OSBPL6: variants seen among roughly 807,000 people sequenced by gnomAD.
OSBPL6 encodes the protein oxysterol-binding protein-related protein 6.
Under a neutral mutation model 125.8 loss-of-function variants are expected in OSBPL6, and 49 were observed. The observed-to-expected ratio is 0.39, with a 90% CI of 0.31 to 0.49. OSBPL6 has a LOEUF of 0.49. OSBPL6 is among the 20% of genes least tolerant of loss of function. OSBPL6 has a pLI of 0.88. For missense variants in OSBPL6, 986 were observed against 1,135.4 expected (o/e 0.87, Z 1.89); for synonymous variants, 394 against 391.8 (o/e 1.01, Z -0.07).
intron 13 of OSBPL6, among the ~76,000 whole-genome samples, chr2:178,370,642 C>T: frequency 6.6e-6 from 1 of 152,188 alleles, no homozygotes; most frequent in East Asian, 1.9e-4. Context: ...AATGTTATCA[C>T]CTTTTTTCCC....
At chr2:178,193,903 G>A (rs1295454258), upstream of OSBPL6, among the ~76,000 whole-genome samples, 1 of 152,172 alleles carries the variant, frequency 6.6e-6, no homozygotes, top group African/African-American at 2.4e-5. Flanking sequence ...TTTTGCTCCC[G>A]AGCGAGTCAG....
At chr2:178,286,619 T>C (rs1574752208) in intron 2 of OSBPL6, among the ~76,000 whole-genome samples, 2 of 152,368 alleles carry the variant, frequency 1.3e-5, no homozygotes, top group East Asian at 3.9e-4. Flanking sequence ...TGCATCATTT[T>C]TTCCAGATGT....
At chr2:178,265,572 C>A (rs891211454) in intron 1 of OSBPL6, among the ~76,000 whole-genome samples, 2 of 151,918 alleles carry the variant, frequency 1.3e-5, no homozygotes, top group African/African-American at 2.4e-5. Flanking sequence ...GAATAATTGT[C>A]CCTCAGCGTA....
chr2:178,227,451 T>A (rs1420385904), intron 1 of OSBPL6, among the ~76,000 whole-genome samples: 1 of 152,208 alleles, frequency 6.6e-6, no homozygotes, highest in Admixed American at 6.5e-5. Flanking sequence ...TCTTTCAGGT[T>A]TACATATAAA....
In OSBPL6 at chr2:178,349,349, T is replaced by C; in HGVS notation, c.1113T>C (p.Tyr371=). Residue 371 remains tyrosine (Y), a synonymous_variant, in exon 12 of 25, where the codon TAT becomes TAC. Transcript: ENST00000190611. ...LTDPLESSTD[Y]TKLQEEFCLI... ...ACCCTCTGGAAAGTTCAACAGATTA[T>C]ACAAAGCTGCAAGAAGAATTTTGTC... 6.2e-7 allele frequency: 1 copy of C among 1,614,186 alleles called. No individual in the cohort carries two copies. Among genetic ancestry groups the C allele is most frequent in the South Asian group, 1.1e-5 (1 of 91,080 alleles).
intron 1 of OSBPL6, among the ~76,000 whole-genome samples, chr2:178,265,504 G>A (rs1168791017): frequency 1.3e-5 from 2 of 152,008 alleles, no homozygotes; most frequent in African/African-American, 2.4e-5. Context: ...GCAGGCCAAC[G>A]TGCCAGCTGG....
intron 4 of OSBPL6, among the ~76,000 whole-genome samples, chr2:178,326,948 C>G (rs1479136506): frequency 6.6e-6 from 1 of 151,560 alleles, no homozygotes; most frequent in Non-Finnish European, 1.5e-5. Flanking sequence ...AAAAAAAACA[C>G]TGTGATAGAA....
At chr2:178,368,285 C>T (rs1693042795) in intron 13 of OSBPL6, among the ~76,000 whole-genome samples, 1 of 152,208 alleles carries the variant, frequency 6.6e-6, no homozygotes, top group African/African-American at 2.4e-5. Flanking sequence ...GGAGGATGCG[C>T]AGAAAGGGGC....
intron 1 of OSBPL6, among the ~76,000 whole-genome samples, chr2:178,219,282 G>A (rs2090238835): frequency 6.6e-6 from 1 of 152,216 alleles, no homozygotes; most frequent in Non-Finnish European, 1.5e-5. Flanking sequence ...ACATTTTGGA[G>A]TAGGTATTTC....
In OSBPL6 at chr2:178,306,530, T is replaced by C. The variant is rs148906865; in HGVS notation, c.102+244T>C. Among the ~76,000 whole-genome samples, 17 of 152,308 alleles carry C rather than the reference T, an allele frequency of 1.1e-4. No homozygotes were observed. In the East Asian group the frequency reaches 3.3e-3, roughly 29 times the overall value. On this transcript the variant is annotated intron_variant, in intron 3 of 24. Transcript: ENST00000190611. ...CTGGTAGGGTGGCTATGAGAAGCCC[T>C]GCCGTCTTTTCCTCCCTGCACCTGG...
intron 1 of OSBPL6, among the ~76,000 whole-genome samples, chr2:178,233,155 G>C (rs964069839): frequency 1.3e-5 from 2 of 152,166 alleles, no homozygotes; most frequent in Admixed American, 1.3e-4. Context: ...CAAGAAACCT[G>C]TTCGATATTC....
chr2:178,308,229 C>T (rs748320983), intron 3 of OSBPL6, among the ~76,000 whole-genome samples: 4 of 152,204 alleles, frequency 2.6e-5, no homozygotes, highest in Non-Finnish European at 4.4e-5. Context: ...AGATCAATTA[C>T]AGTTCTGTTT....
chr2:178,311,676 A>G (rs1339474879), intron 3 of OSBPL6, among the ~76,000 whole-genome samples: 2 of 152,236 alleles, frequency 1.3e-5, no homozygotes, highest in Non-Finnish European at 2.9e-5. Flanking sequence ...CTGCAAAGGA[A>G]TAATCATGAG....
intron 1 of OSBPL6, among the ~76,000 whole-genome samples, chr2:178,279,720 C>T (rs907143359): frequency 1.3e-5 from 2 of 152,218 alleles, no homozygotes; most frequent in Non-Finnish European, 2.9e-5. Context: ...AAGAACCAAT[C>T]TTCCTATCTC....
intron 9 of OSBPL6, among the ~76,000 whole-genome samples, chr2:178,338,678 A>G (rs1315560017): frequency 6.6e-6 from 1 of 152,220 alleles, no homozygotes; most frequent in Non-Finnish European, 1.5e-5. Flanking sequence ...GGACTGCTGA[A>G]GTTCACTTGA....
chr2:178,392,671 T>C, intron 23 of OSBPL6, 133 bp downstream of exon 23: 1 of 1,177,430 alleles, frequency 8.5e-7, no homozygotes, highest in South Asian at 1.7e-5. Flanking sequence ...GCCTGGACAA[T>C]ATAGTGAGAC....
intron 15 of OSBPL6, among the ~76,000 whole-genome samples, chr2:178,381,544 AG>A (rs2154113333): frequency 6.6e-6 from 1 of 152,084 alleles, no homozygotes; most frequent in African/African-American, 2.4e-5. Flanking sequence ...TAGTAGAGAC[AG>A]GGTTTCACCA....
At chr2:178,194,378 C>G (rs1463787112), upstream of OSBPL6, 2 of 152,050 alleles carry the variant, frequency 1.3e-5, no homozygotes, top group African/African-American at 4.8e-5. Flanking sequence ...CCGCTCCACT[C>G]CAGCCGGGCG....
intron 1 of OSBPL6, among the ~76,000 whole-genome samples, chr2:178,201,981 A>G (rs1443693324): frequency 6.6e-6 from 1 of 152,194 alleles, no homozygotes; most frequent in African/African-American, 2.4e-5. Flanking sequence ...ATCCAGATAG[A>G]CTTTGGGTCA....
Sources: allele counts gnomAD v4.1 joint callset (sites outside exome capture counted in the v4.1 genomes callset), GRCh38; gene constraint gnomAD v4.1.1; transcripts MANE v1.5; gene names NCBI Gene and HGNC (gene_info 2026-07-23, HGNC 2026-07-21).